Variants in PTPRD observed in about 807,000 individuals in gnomAD.
PTPRD encodes protein tyrosine phosphatase receptor type D, also known as receptor-type tyrosine-protein phosphatase delta.
Under a neutral mutation model 214.5 loss-of-function variants are expected in PTPRD, and 34 were observed. The observed-to-expected ratio is 0.16, with a 90% confidence interval of 0.12 to 0.21. The LOEUF is 0.21. Ranked by LOEUF, PTPRD falls within the 10% of genes least tolerant of loss-of-function variation. The pLI is 1.00. For synonymous variants in PTPRD, 1,128 were observed against 845.7 expected (o/e 1.33, Z -5.79); for missense variants, 2,545 against 2,398.7 (o/e 1.06, Z -1.27).
chr9:8,658,607 A>G (rs2096961894), intron 12 of PTPRD, among the ~76,000 whole-genome samples: 1 of 152,020 alleles, frequency 6.6e-6, no homozygotes, highest in Non-Finnish European at 1.5e-5. Context: ...CCACAAAATA[A>G]TATGAATTTG....
At chr9:10,212,738 A>C (rs933112188) in intron 3 of PTPRD, among the ~76,000 whole-genome samples, 2 of 152,140 alleles carry the variant, frequency 1.3e-5, no homozygotes, top group African/African-American at 4.8e-5. Flanking sequence ...TTGTTACTGT[A>C]TTGTCAAGAG....
chr9:9,228,810 G>T (rs546587246), intron 9 of PTPRD, among the ~76,000 whole-genome samples: 72 of 152,080 alleles, frequency 4.7e-4, no homozygotes, highest in Non-Finnish European at 9.4e-4. Flanking sequence ...TCTTGCCTTC[G>T]TTTTTTGTTT....
At chr9:8,892,628 T>C (rs952102279) in intron 11 of PTPRD, among the ~76,000 whole-genome samples, 3 of 149,264 alleles carry the variant, frequency 2.0e-5, no homozygotes, top group Admixed American at 1.4e-4. Flanking sequence ...TGTGTATATA[T>C]ATGTGTGTAT....
intron 7 of PTPRD, among the ~76,000 whole-genome samples, chr9:9,603,989 T>G (rs2093978363): frequency 6.6e-6 from 1 of 152,082 alleles, no homozygotes; most frequent in African/African-American, 2.4e-5. Flanking sequence ...TCATTAAAAT[T>G]TTTTTTAAAT....
In PTPRD at chr9:8,486,080, T is replaced by A; in HGVS notation, c.2737A>T (p.Ile913Phe). 1 of 1,614,220 alleles carries A rather than the reference T, an allele frequency of 6.2e-7. No homozygotes were observed. The highest frequency in any genetic ancestry group is 1.1e-5 in the South Asian group (1 of 91,080). ...FGEEMVKEISIPEEVPTGFPQ... is the reference protein window; with the variant it reads ...FGEEMVKEISFPEEVPTGFPQ... ...AATCCAGTTGGTACTTCTTCTGGAA[T>A]GGAAATCTCCTTCACCATCTCCTCC... Residue 913 changes from isoleucine to phenylalanine, a missense_variant, in exon 28 of 46, where the codon ATT becomes TTT. Transcript: ENST00000381196.
chr9:9,505,395 G>C (rs2096547090), intron 8 of PTPRD, among the ~76,000 whole-genome samples: 1 of 151,504 alleles, frequency 6.6e-6, no homozygotes, highest in South Asian at 2.1e-4. Context: ...AAGTGGCCCA[G>C]ATTCATTGCT....
At chr9:10,235,586 T>G (rs1450901201) in intron 3 of PTPRD, among the ~76,000 whole-genome samples, 5 of 151,978 alleles carry the variant, frequency 3.3e-5, no homozygotes, top group Non-Finnish European at 7.4e-5. Flanking sequence ...AAACAAATGC[T>G]GGCACAAAAG....
intron 11 of PTPRD, among the ~76,000 whole-genome samples, chr9:8,747,570 C>T (rs1438857640): frequency 6.6e-6 from 1 of 152,092 alleles, no homozygotes; most frequent in Admixed American, 6.6e-5. Flanking sequence ...CTTAGAAATG[C>T]TTACAGAAGG....
At chr9:9,757,543 G>C (rs2098599155) in intron 6 of PTPRD, among the ~76,000 whole-genome samples, 1 of 152,020 alleles carries the variant, frequency 6.6e-6, no homozygotes, top group African/African-American at 2.4e-5. Context: ...TGGAAATTCA[G>C]AGCAATAATT....
intron 2 of PTPRD, among the ~76,000 whole-genome samples, chr9:10,605,896 G>C (rs1218281822): frequency 6.6e-6 from 1 of 151,778 alleles, no homozygotes; most frequent in Admixed American, 6.6e-5. Flanking sequence ...GCCGTATTAT[G>C]CATATTGCAT....
chr9:9,677,620 T>C (rs1243685042), intron 7 of PTPRD, among the ~76,000 whole-genome samples: 1 of 152,022 alleles, frequency 6.6e-6, no homozygotes, highest in Non-Finnish European at 1.5e-5. Flanking sequence ...TCATACTGAA[T>C]GGACAAAAAC....
At chr9:9,679,215 T>A (rs928880781) in intron 7 of PTPRD, among the ~76,000 whole-genome samples, 15 of 151,276 alleles carry the variant, frequency 9.9e-5, no homozygotes, top group Non-Finnish European at 1.8e-4. Flanking sequence ...CTTCTTTTAC[T>A]CTTCCTCTCT....
intron 3 of PTPRD, among the ~76,000 whole-genome samples, chr9:10,305,910 TC>T (rs1320711082): frequency 6.6e-6 from 1 of 152,046 alleles, no homozygotes; most frequent in Non-Finnish European, 1.5e-5. Context: ...GACCCAGCAA[TC>T]CCACTACTGG....
chr9:8,517,226 C>T (rs1171234851), intron 21 of PTPRD, among the ~76,000 whole-genome samples: 1 of 152,074 alleles, frequency 6.6e-6, no homozygotes, highest in East Asian at 1.9e-4. Flanking sequence ...ACTGGGAGGG[C>T]CAAGTTTTCC....
At chr9:9,138,243 G>T (rs1293104393) in intron 10 of PTPRD, among the ~76,000 whole-genome samples, 1 of 151,860 alleles carries the variant, frequency 6.6e-6, no homozygotes, top group Non-Finnish European at 1.5e-5. Context: ...ATATTACACA[G>T]TATCTGCATC....
At chr9:10,191,982 C>G (rs1011833012) in intron 3 of PTPRD, among the ~76,000 whole-genome samples, 4 of 152,100 alleles carry the variant, frequency 2.6e-5, no homozygotes, top group African/African-American at 9.7e-5. Context: ...ATCACAGGTA[C>G]TGGTTGAATT....
intron 3 of PTPRD, among the ~76,000 whole-genome samples, chr9:10,115,388 T>A (rs552556754): frequency 1.3e-5 from 2 of 152,242 alleles, no homozygotes; most frequent in South Asian, 4.1e-4. Context: ...ATTGTTTCAA[T>A]GTAGTCTATA....
intron 8 of PTPRD, among the ~76,000 whole-genome samples, chr9:9,503,067 T>G (rs1312556791): frequency 6.6e-6 from 1 of 151,812 alleles, no homozygotes; most frequent in Admixed American, 6.6e-5. Context: ...TCACTGAAAT[T>G]TTTTGCCTTG....
rs1238712288 is a variant in PTPRD at position 8,870,708 on chromosome 9, A to ACACACACACACAC, written c.-103-136775_-103-136763dup. ...ATGAAACACACACACACACACACACACACACACACACACACACACACGGGA... is the reference window on the plus strand; with the variant it reads ...ATGAAACACACACACACACACACACACACACACACACACCACACACACACACACACACACGGGA... On this transcript the variant is annotated intron_variant, in intron 11 of 45. Transcript: ENST00000381196. Among the ~76,000 whole-genome samples the ACACACACACACAC allele has an allele frequency of 4.9e-4, 74 of 150,952 alleles. 7 individuals carry two copies. In the East Asian group the frequency reaches 0.014, roughly 29 times the overall value.
Sources: allele counts gnomAD v4.1 joint callset (sites outside exome capture counted in the v4.1 genomes callset), GRCh38; gene constraint gnomAD v4.1.1; transcripts MANE v1.5; gene names NCBI Gene and HGNC (gene_info 2026-07-23, HGNC 2026-07-21).